Variants in POLH observed in about 807,000 individuals in gnomAD.
POLH encodes DNA polymerase eta, also known as DNA polymerase eta transcript.
Under a neutral mutation model 73.6 loss-of-function variants are expected in POLH, and 53 were observed. The observed-to-expected ratio is 0.72, with a 90% confidence interval of 0.58 to 0.91. POLH has a LOEUF of 0.91. Ranked by LOEUF, POLH falls within the 40% of genes least tolerant of loss-of-function variation. The pLI is 0.00. For missense variants in POLH, 768 were observed against 865.4 expected (o/e 0.89, Z 1.41); for synonymous variants, 292 against 308.5 (o/e 0.95, Z 0.56).
intron 2 of POLH, 62 bp downstream of exon 2, chr6:43,582,518 C>T: frequency 6.5e-7 from 1 of 1,549,874 alleles, no homozygotes; most frequent in South Asian, 1.1e-5. Context: ...GTGGCAGGTC[C>T]TTTGTTGTTG....
At chr6:43,599,719 G>A (rs1352636301) in intron 5 of POLH, among the ~76,000 whole-genome samples, 1 of 151,220 alleles carries the variant, frequency 6.6e-6, no homozygotes, top group Non-Finnish European at 1.5e-5. Flanking sequence ...TTGCCTAGTA[G>A]AAGTTCTTAA....
Position 43,614,599 on chromosome 6 carries a change from C to T in POLH, c.*42C>T. The stretch of plus-strand genomic sequence containing the variant: ...GCCTGTAGGATTTAATATTTTTTAT[C>T]TTTACAGATCTTTATCTTTAATATT... On this transcript the variant is annotated 3_prime_UTR_variant, in exon 11 of 11. Transcript: ENST00000372236. 6.9e-7 allele frequency: 1 copy of T among 1,453,456 alleles called. No homozygotes were observed. The highest frequency in any genetic ancestry group is 9.6e-7 in the Non-Finnish European group (1 of 1,045,492). 90.0% of individuals were successfully genotyped at this position (1,453,456 alleles called of 1,614,324 possible).
chr6:43,590,124 C>T (rs951119128), intron 4 of POLH, among the ~76,000 whole-genome samples: 3 of 151,322 alleles, frequency 2.0e-5, no homozygotes, highest in Non-Finnish European at 2.9e-5. Flanking sequence ...TTTGGGAGGC[C>T]GAGGTGGGTG....
chr6:43,582,192 A>G, intron 1 of POLH, 124 bp from the exon 2 acceptor site: 3 of 900,698 alleles, frequency 3.3e-6, no homozygotes, highest in South Asian at 2.7e-5. Flanking sequence ...TGCCTATTTC[A>G]TTCTTGTTAG....
intron 3 of POLH, among the ~76,000 whole-genome samples, chr6:43,586,255 G>A (rs1306292826): frequency 6.6e-6 from 1 of 151,964 alleles, no homozygotes; most frequent in East Asian, 2.0e-4. Context: ...GAGGTGGGTG[G>A]ATCACCTGAG....
chr6:43,601,039 G>A lies in POLH; in HGVS notation c.712G>A (p.Val238Ile). 6.2e-7 allele frequency: 1 copy of A among 1,614,092 alleles called. No individual in the cohort carries two copies. The change falls in exon 6 of 11, where the codon GTT becomes ATT. Residue 238 changes from valine (V) to isoleucine (I), a missense_variant. Physicochemically the swap from Val to Ile is conservative, Grantham distance 29. Coordinates refer to ENST00000372236, the MANE Select transcript of POLH (RefSeq NM_006502.3). ...AAACAAGCCCAACCGCCAAACCCTG[G>A]TTTCACATGGGTCAGTCCCACAGCT... ...GLNKPNRQTL[V>I]SHGSVPQLFS... is the part of the protein sequence containing the mutation.
intron 4 of POLH, among the ~76,000 whole-genome samples, chr6:43,596,280 G>A (rs1237008884): frequency 3.9e-5 from 6 of 152,154 alleles, no homozygotes; most frequent in Non-Finnish European, 8.8e-5. Context: ...TCAGGAGATC[G>A]AGACCATTCT....
chr6:43,612,399 T>C lies in POLH; in HGVS notation c.1245-1261T>C, dbSNP rs987505377. On this transcript the variant is annotated intron_variant, in intron 10 of 10. Coordinates refer to ENST00000372236, the MANE Select transcript of POLH (RefSeq NM_006502.3). ...CTCGCTCTTGTTGTCTAGGCTGGAG[T>C]GCAGTGACGCAATCTCGGCTCACTG... is the stretch of plus-strand genomic sequence containing the variant. Among the ~76,000 whole-genome samples, 15 of 150,082 alleles carry C rather than the reference T, an allele frequency of 1.0e-4. No individual in the cohort carries two copies. The East Asian group carries it at 2.9e-3, about 29-fold the overall frequency.
In POLH at chr6:43,590,449, G is replaced by GT. The variant is rs201973144; in HGVS notation, c.490+2970dup. Among the ~76,000 whole-genome samples the GT allele has an allele frequency of 8.4e-4, 122 of 146,088 alleles. 1 individual carries two copies. Among genetic ancestry groups the GT allele is most frequent in the African/African-American group, 2.3e-3 (90 of 39,836 alleles). ...TCTAAGAATTTGCATAAGAATGAGGGTTTTTTTTTTGTTTTGGTTTTTGTT... is the reference window on the plus strand; with the variant it reads ...TCTAAGAATTTGCATAAGAATGAGGGTTTTTTTTTTTGTTTTGGTTTTTGTT... On this transcript the variant is annotated intron_variant, in intron 4 of 10. Coordinates refer to ENST00000372236, the MANE Select transcript of POLH (RefSeq NM_006502.3).
rs1360386877 is a variant in POLH at position 43,616,237 on chromosome 6, G to T, written c.*1680G>T. Among the ~76,000 whole-genome samples the T allele has an allele frequency of 7.0e-6, 1 of 143,386 alleles. No homozygotes were observed. Among genetic ancestry groups the T allele is most frequent in the Non-Finnish European group, 1.5e-5 (1 of 66,076 alleles). The allele number at this position is 143,386 out of a possible 152,430, so 94.1% of individuals were successfully genotyped here. A position where few individuals can be genotyped will look rare whatever the true frequency, so the allele number is the denominator to read the frequency against. On this transcript the variant is annotated 3_prime_UTR_variant, in exon 11 of 11. Transcript: ENST00000372236. ...GGAGCTTGCAGTGAGCCGAGAGCGCGCCACTGCACTCCAGCCTGGGTGACA... is the reference window on the plus strand; with the variant it reads ...GGAGCTTGCAGTGAGCCGAGAGCGCTCCACTGCACTCCAGCCTGGGTGACA...
Position 43,597,704 on chromosome 6 carries a change from C to T in POLH, c.499C>T (p.Arg167Ter), listed in dbSNP as rs1396889047. 9 of 1,613,314 alleles carry T rather than the reference C, an allele frequency of 5.6e-6. No homozygotes were observed. The East Asian group carries it at 6.7e-5, about 12-fold the overall frequency. ...AEETVQKEGM[R>*]KQGLFQWLDS... ...TTCTTAATTCATTTCAGAGGGGATG[C>T]GAAAACAAGGCTTATTTCAATGGCT... Residue 167 changes from arginine (R) to a stop codon, truncating the protein, a stop_gained, in exon 5 of 11, where the codon CGA (arginine) becomes TGA (stop). Transcript: ENST00000372236. LOFTEE classifies it high-confidence loss of function.
At chr6:43,593,966 C>T (rs1333440869) in intron 4 of POLH, among the ~76,000 whole-genome samples, 1 of 151,704 alleles carries the variant, frequency 6.6e-6, no homozygotes, top group Non-Finnish European at 1.5e-5. Flanking sequence ...GAAGTATTTC[C>T]TGTAGTCCAT....
chr6:43,603,781 A>G, intron 6 of POLH, 111 bp from the exon 7 acceptor site: 1 of 1,041,216 alleles, frequency 9.6e-7, no homozygotes, highest in Non-Finnish European at 1.5e-6. Context: ...ATATGCTCTC[A>G]TTTGTCCTGA....
chr6:43,611,710 A>G (rs558773593), intron 10 of POLH, among the ~76,000 whole-genome samples: 31 of 152,150 alleles, frequency 2.0e-4, no homozygotes, highest in Non-Finnish European at 4.4e-4. Flanking sequence ...ATCTAAATAT[A>G]TTGGCAGTAT....
Position 43,582,223 on chromosome 6 carries a change from TG to T in POLH, c.-4-91del, listed in dbSNP as rs1179443656. The T allele has an allele frequency of 6.9e-6, 8 of 1,159,502 alleles. No homozygotes were observed. In the African/African-American group the frequency reaches 1.1e-4, roughly 15 times the overall value. 71.8% of individuals were successfully genotyped at this position (1,159,502 alleles called of 1,614,324 possible). A position where few individuals can be genotyped will look rare whatever the true frequency, so the allele number is the denominator to read the frequency against. ...GTTAGTTTCCATGCTCCCATGCTCATGGTAACTCATCAGTGAAAGAATGGAA... is the reference window on the plus strand; with the variant it reads ...GTTAGTTTCCATGCTCCCATGCTCATGTAACTCATCAGTGAAAGAATGGAA... On this transcript the variant is annotated intron_variant, in intron 1 of 10. Transcript: ENST00000372236.
In POLH at chr6:43,614,042, C is replaced by T; in HGVS notation, c.1627C>T (p.Gln543Ter). Residue 543 changes from glutamine (Q) to a stop codon, truncating the protein, a stop_gained, in exon 11 of 11, where the codon CAG (glutamine) becomes TAG (stop). Transcript: ENST00000372236. LOFTEE classifies it high-confidence loss of function. ...GAAAAGTCTGCTTCTAAAGCAGAAA[C>T]AGCTTAATAATTCTTCAGTTTCTTC... ...KQKSLLLKQK[Q>*]LNNSSVSSPQ... is the part of the protein sequence containing the mutation. The T allele has an allele frequency of 6.2e-7, 1 of 1,614,190 alleles. No individual in the cohort carries two copies. Among genetic ancestry groups the T allele is most frequent in the Non-Finnish European group, 8.5e-7 (1 of 1,180,042 alleles).
intron 6 of POLH, among the ~76,000 whole-genome samples, chr6:43,602,237 TAGAGAAGAAGCCA>T (rs1766815660): frequency 6.6e-6 from 1 of 152,180 alleles, no homozygotes; most frequent in African/African-American, 2.4e-5. Flanking sequence ...AAGTAGGCAT[TAGAGAAGAAGCCA>T]AGTCAAATGA....
intron 8 of POLH, 85 bp from the exon 9 acceptor site, chr6:43,605,169 G>T: frequency 1.2e-6 from 1 of 809,350 alleles, no homozygotes; most frequent in Non-Finnish European, 2.1e-6. Context: ...CTGTTTGGGA[G>T]AAAAAAAAGA....
At chr6:43,591,962 C>T (rs975819661) in intron 4 of POLH, among the ~76,000 whole-genome samples, 1 of 152,120 alleles carries the variant, frequency 6.6e-6, no homozygotes, top group Non-Finnish European at 1.5e-5. Flanking sequence ...GGACGTGTTC[C>T]TCTTTCTTCT....
Sources: allele counts gnomAD v4.1 joint callset (sites outside exome capture counted in the v4.1 genomes callset), GRCh38; gene constraint gnomAD v4.1.1; transcripts MANE v1.5; gene names NCBI Gene and HGNC (gene_info 2026-07-23, HGNC 2026-07-21).